MAPKAP1: variants seen among roughly 807,000 people sequenced by gnomAD.
MAPKAP1 encodes the protein MAPK associated protein 1, also known as target of rapamycin complex 2 subunit MAPKAP1.
MAPKAP1 carries 20 observed loss-of-function variants against 65.7 expected under a neutral mutation model. The ratio of observed to expected loss-of-function variants is 0.30; its 90% CI spans 0.21 to 0.44. The LOEUF (loss-of-function observed/expected upper bound fraction) is 0.44, where lower values mean the gene tolerates loss of function less well. Among genes scored for constraint, MAPKAP1 ranks in the 20% least tolerant of loss-of-function variants. The pLI is 1.00. For missense variants in MAPKAP1, 423 were observed against 648.0 expected, an observed-to-expected ratio of 0.65 and a Z score of 3.77; for synonymous variants, 222 against 244.3, an observed-to-expected ratio of 0.91 and a Z score of 0.85.
At chr9:125,440,884 A>G (rs1263252628) in intron 11 of MAPKAP1, among the ~76,000 whole-genome samples, 1 of 152,226 alleles carries the variant, frequency 6.6e-6, no homozygotes, top group East Asian at 1.9e-4. Context: ...CAGCCAACCT[A>G]GTGTTTTCAG....
intron 1 of MAPKAP1, among the ~76,000 whole-genome samples, chr9:125,678,655 G>A (rs1834728659): frequency 6.6e-6 from 1 of 152,084 alleles, no homozygotes. Flanking sequence ...GATGCACTTT[G>A]GATACTGTTC....
At chr9:125,555,456 T>TA (rs147222684) in intron 6 of MAPKAP1, among the ~76,000 whole-genome samples, 3,210 of 152,368 alleles carry the variant, frequency 0.021, 47 homozygotes, top group Non-Finnish European at 0.033. Flanking sequence ...CTGCCGCACT[T>TA]AGAGGGAAAG....
intron 7 of MAPKAP1, among the ~76,000 whole-genome samples, chr9:125,531,633 T>C (rs1829935808): frequency 1.3e-5 from 2 of 152,218 alleles, no homozygotes; most frequent in African/African-American, 4.8e-5. Context: ...AGTATCTAAA[T>C]GATGTATTTT....
chr9:125,563,775 G>A (rs1044128861), intron 5 of MAPKAP1, among the ~76,000 whole-genome samples: 1 of 152,042 alleles, frequency 6.6e-6, no homozygotes. Context: ...AGAGTGCAAT[G>A]GCACGATCTC....
chr9:125,439,115 C>T lies in MAPKAP1; in HGVS notation c.1444-103G>A, dbSNP rs1477806262. 4 of 1,391,492 alleles carry T rather than the reference C, an allele frequency of 2.9e-6. No homozygotes were observed. In the East Asian group the frequency reaches 9.5e-5, roughly 33 times the overall value. The allele number at this position is 1,391,492 out of a possible 1,614,324, so 86.2% of individuals were successfully genotyped here. A position where few individuals can be genotyped will look rare whatever the true frequency, so the allele number is the denominator to read the frequency against. The stretch of plus-strand genomic sequence containing the variant: ...GAAGGCCCTGACCTGGGCCGGGTGC[C>T]TCAGGGCCAGGTGCTGTCGTGTGGA... On this transcript the variant is annotated intron_variant, in intron 11 of 11. Transcript: ENST00000265960. This position sits in a 1 kb window ranked among gnomAD's most constrained non-coding sequence, Gnocchi z 4.0.
chr9:125,668,084 C>A (rs1834392473), intron 3 of MAPKAP1, among the ~76,000 whole-genome samples: 1 of 152,202 alleles, frequency 6.6e-6, no homozygotes, highest in South Asian at 2.1e-4. Flanking sequence ...TGGTTCTACA[C>A]AGTCATCACT....
intron 3 of MAPKAP1, among the ~76,000 whole-genome samples, chr9:125,666,511 G>A (rs1834343698): frequency 6.6e-6 from 1 of 152,166 alleles, no homozygotes; most frequent in Non-Finnish European, 1.5e-5. Flanking sequence ...GAAAAAGAAT[G>A]AGGGAATGAA....
At chr9:125,515,711 C>T (rs755942188) in intron 7 of MAPKAP1, among the ~76,000 whole-genome samples, 1 of 152,214 alleles carries the variant, frequency 6.6e-6, no homozygotes, top group Non-Finnish European at 1.5e-5. Context: ...TTTGGGAATG[C>T]AATTTTGCCC....
intron 10 of MAPKAP1, among the ~76,000 whole-genome samples, chr9:125,463,180 TTCTC>T (rs1282667674): frequency 1.3e-5 from 2 of 152,252 alleles, no homozygotes; most frequent in East Asian, 3.8e-4. Context: ...CGCGTTAACA[TTCTC>T]TTAAGCCCCA....
intron 5 of MAPKAP1, among the ~76,000 whole-genome samples, chr9:125,566,284 G>T (rs1831048622): frequency 1.3e-5 from 2 of 152,210 alleles, no homozygotes; most frequent in Admixed American, 1.3e-4. Context: ...AAGACTTCTT[G>T]CTGGGTGTGG....
chr9:125,564,887 G>A (rs1417838166), intron 5 of MAPKAP1, among the ~76,000 whole-genome samples: 1 of 152,152 alleles, frequency 6.6e-6, no homozygotes, highest in Admixed American at 6.5e-5. Context: ...AAAGACGAAT[G>A]ATCAAAAGAA....
At chr9:125,464,840 T>C (rs1853620687) in intron 10 of MAPKAP1, among the ~76,000 whole-genome samples, 1 of 152,240 alleles carries the variant, frequency 6.6e-6, no homozygotes, top group Non-Finnish European at 1.5e-5. Context: ...GGATATGGCA[T>C]CAATTAAACT....
rs755290470 is a variant in MAPKAP1, at chr9:125,534,900, C to G, written c.958+8159G>C. ...TCCCTGCTTCCCATGTGCACCCAGG[C>G]CCTATACTTACTTCCATGTATCCCT... On this transcript the variant is annotated intron_variant, in intron 7 of 11. Coordinates refer to ENST00000265960, the MANE Select transcript of MAPKAP1 (RefSeq NM_001006617.3). 2.6e-5 allele frequency among the ~76,000 whole-genome samples: 4 copies of G among 152,260 alleles called. No individual in the cohort carries two copies. The East Asian group carries it at 7.7e-4, about 29-fold the overall frequency.
chr9:125,621,695 T>G (rs1371287376), intron 4 of MAPKAP1, among the ~76,000 whole-genome samples: 1 of 152,250 alleles, frequency 6.6e-6, no homozygotes, highest in Non-Finnish European at 1.5e-5. Flanking sequence ...AACTGAAGGC[T>G]GCTTTAGATA....
At chr9:125,600,564 T>G (rs1832272169) in intron 4 of MAPKAP1, among the ~76,000 whole-genome samples, 1 of 152,236 alleles carries the variant, frequency 6.6e-6, no homozygotes, top group Non-Finnish European at 1.5e-5. Context: ...AATTATTCCT[T>G]ATTATTGTAA....
At chr9:125,577,024 G>A (rs1250266264) in intron 5 of MAPKAP1, among the ~76,000 whole-genome samples, 51 of 151,224 alleles carry the variant, frequency 3.4e-4, no homozygotes, top group African/African-American at 1.2e-3. Flanking sequence ...TGCCCAGTCT[G>A]GAAAGTGAGG....
chr9:125,491,298 G>A (rs1292355689), intron 8 of MAPKAP1, among the ~76,000 whole-genome samples: 2 of 151,924 alleles, frequency 1.3e-5, no homozygotes, highest in African/African-American at 4.8e-5. Context: ...ACAAAAATTA[G>A]CTGGGTTTGG....
intron 7 of MAPKAP1, among the ~76,000 whole-genome samples, chr9:125,538,940 C>A (rs962920822): frequency 6.6e-6 from 1 of 152,044 alleles, no homozygotes; most frequent in Non-Finnish European, 1.5e-5. Flanking sequence ...CATCATTGTC[C>A]CTCAGACCAG....
chr9:125,644,885 A>T (rs1433032010), intron 4 of MAPKAP1, among the ~76,000 whole-genome samples: 1 of 152,060 alleles, frequency 6.6e-6, no homozygotes, highest in Non-Finnish European at 1.5e-5. Context: ...ACATATTAAC[A>T]TTTTTCTCTG....
Sources: allele counts gnomAD v4.1 joint callset (sites outside exome capture counted in the v4.1 genomes callset), GRCh38; gene constraint gnomAD v4.1.1; non-coding constraint Gnocchi (gnomAD v3.1); transcripts MANE v1.5; gene names NCBI Gene and HGNC (gene_info 2026-07-23, HGNC 2026-07-21).